Variants in GPHN observed in about 807,000 individuals in gnomAD.
The protein encoded by GPHN is gephyrin.
Under a neutral mutation model 95.5 loss-of-function variants are expected in GPHN, and 17 were observed. The observed-to-expected ratio is 0.18, with a 90% confidence interval of 0.12 to 0.27. The LOEUF (loss-of-function observed/expected upper bound fraction) is 0.27, where lower values mean the gene tolerates loss of function less well. Ranked by LOEUF, GPHN falls within the 10% of genes least tolerant of loss-of-function variation. The pLI is 1.00. For missense variants in GPHN, 660 were observed against 978.1 expected (o/e 0.67, Z 4.34); for synonymous variants, 320 against 322.5 (o/e 0.99, Z 0.08).
chr14:67,173,942 T>G (rs1170392711), intron 21 of GPHN, among the ~76,000 whole-genome samples: 1 of 152,086 alleles, frequency 6.6e-6, no homozygotes, highest in Non-Finnish European at 1.5e-5. Context: ...AATAACAGAC[T>G]TTGTCAGGCC....
At chr14:67,426,041 G>T in the GPHN span, among the ~76,000 whole-genome samples, 2 of 151,746 alleles carry the variant, frequency 1.3e-5, no homozygotes, top group African/African-American at 4.8e-5. Context: ...CACCATGCCT[G>T]GCCAATGAAA....
the GPHN span, chr14:67,691,375 T>G: frequency 1.6e-6 from 1 of 638,058 alleles, no homozygotes; most frequent in African/African-American, 1.8e-5. Context: ...TCCTTCATAT[T>G]TATTTTCTAT....
At chr14:67,354,346 CTT>C in the GPHN span, among the ~76,000 whole-genome samples, 1 of 152,114 alleles carries the variant, frequency 6.6e-6, no homozygotes, top group South Asian at 2.1e-4. Context: ...AAAATAATAT[CTT>C]TGTTTTAGTT....
the GPHN span, among the ~76,000 whole-genome samples, chr14:67,551,631 G>A: frequency 3.3e-5 from 5 of 152,086 alleles, no homozygotes; most frequent in African/African-American, 1.2e-4. Flanking sequence ...TTTCACGCCT[G>A]TAATCCCAGG....
At position 67,057,412 on chromosome 14, in the gene GPHN, G is replaced by GGC. The variant is rs1555477483; in HGVS notation, c.1007-1236_1007-1235insCG. Among the ~76,000 whole-genome samples the GGC allele has an allele frequency of 9.1e-5, 12 of 131,422 alleles. No homozygotes were observed. The East Asian group carries it at 1.7e-3, about 19-fold the overall frequency. 86.2% of individuals were successfully genotyped at this position (131,422 alleles called of 152,430 possible). A position where few individuals can be genotyped will look rare whatever the true frequency, so the allele number is the denominator to read the frequency against. ...AACAAGAACACATGGGCACATGGGT[G>GGC]GGGGGGGCAACAGCACACACTGGGT... On this transcript the variant is annotated intron_variant, in intron 10 of 22. Transcript: ENST00000478722.
the GPHN span, among the ~76,000 whole-genome samples, chr14:67,516,510 TAAGAA>T: frequency 6.6e-6 from 1 of 152,152 alleles, no homozygotes; most frequent in African/African-American, 2.4e-5. Flanking sequence ...CAGAATCTTC[TAAGAA>T]AAGGAACCTA....
intron 17 of GPHN, among the ~76,000 whole-genome samples, chr14:67,125,919 TTC>T (rs1228878855): frequency 1.3e-5 from 2 of 152,208 alleles, no homozygotes; most frequent in African/African-American, 2.4e-5. Context: ...TCAGCTCTTA[TTC>T]TTATCACCTG....
intron 19 of GPHN, among the ~76,000 whole-genome samples, chr14:67,159,896 G>A (rs963679534): frequency 1.3e-5 from 2 of 152,014 alleles, no homozygotes; most frequent in Non-Finnish European, 2.9e-5. Context: ...GGGCTGGTTT[G>A]TTTAAAAGCA....
At chr14:67,158,367 T>C (rs1037104341) in intron 18 of GPHN, among the ~76,000 whole-genome samples, 9 of 151,730 alleles carry the variant, frequency 5.9e-5, no homozygotes, top group Non-Finnish European at 1.2e-4. Context: ...TAAAGTATTA[T>C]ATAGTCACTT....
At chr14:67,027,094 T>A (rs1487396494) in intron 10 of GPHN, among the ~76,000 whole-genome samples, 1 of 152,206 alleles carries the variant, frequency 6.6e-6, no homozygotes, top group Non-Finnish European at 1.5e-5. Context: ...TAAACAAATA[T>A]CTGATTATCA....
intron 1 of GPHN, among the ~76,000 whole-genome samples, chr14:66,530,921 CTCAG>C (rs985135031): frequency 2.6e-5 from 4 of 151,640 alleles, no homozygotes; most frequent in Non-Finnish European, 5.9e-5. Flanking sequence ...TTGCCAGCAA[CTCAG>C]CCCACTGTTT....
chr14:66,552,568 G>T (rs934614344), intron 1 of GPHN, among the ~76,000 whole-genome samples: 3 of 151,798 alleles, frequency 2.0e-5, no homozygotes, highest in Non-Finnish European at 2.9e-5. Context: ...TTTGTCTTTG[G>T]TCTGAAGAAC....
the GPHN span, among the ~76,000 whole-genome samples, chr14:67,457,964 CCTT>C: frequency 6.6e-6 from 1 of 152,196 alleles, no homozygotes. Context: ...TGCCAAGTGT[CCTT>C]CTTAGCTGGT....
At chr14:66,702,888 G>A (rs1272407607) in intron 2 of GPHN, among the ~76,000 whole-genome samples, 1 of 152,112 alleles carries the variant, frequency 6.6e-6, no homozygotes, top group Non-Finnish European at 1.5e-5. Flanking sequence ...ACAAAGATAA[G>A]AACGTTGATA....
chr14:66,577,035 A>C (rs1341615368), intron 1 of GPHN, among the ~76,000 whole-genome samples: 1 of 152,146 alleles, frequency 6.6e-6, no homozygotes, highest in African/African-American at 2.4e-5. Context: ...AACTGAAAAA[A>C]ATAGTCTATA....
chr14:67,325,870 G>GT, the GPHN span, among the ~76,000 whole-genome samples: 4 of 150,806 alleles, frequency 2.7e-5, no homozygotes, highest in Admixed American at 1.3e-4. Context: ...ATGCAGTGGC[G>GT]TAATCTTGGC....
At chr14:66,812,746 A>C (rs2060812231) in intron 3 of GPHN, among the ~76,000 whole-genome samples, 2 of 152,224 alleles carry the variant, frequency 1.3e-5, no homozygotes, top group African/African-American at 4.8e-5. Flanking sequence ...CCAGCTCTAT[A>C]AAGCAGGTTG....
At chr14:67,198,211 C>T in the GPHN span, 9 of 1,613,766 alleles carry the variant, frequency 5.6e-6, no homozygotes, top group Non-Finnish European at 7.6e-6. Context: ...AAGCAAGATG[C>T]TCTCTGCACC....
At chr14:66,874,797 G>C (rs964250869) in intron 4 of GPHN, among the ~76,000 whole-genome samples, 3 of 152,198 alleles carry the variant, frequency 2.0e-5, no homozygotes, top group Non-Finnish European at 4.4e-5. Flanking sequence ...GTACTTGAAA[G>C]TGACAGGGAG....
Sources: allele counts gnomAD v4.1 joint callset (sites outside exome capture counted in the v4.1 genomes callset), GRCh38; gene constraint gnomAD v4.1.1; transcripts MANE v1.5; gene names NCBI Gene and HGNC (gene_info 2026-07-23, HGNC 2026-07-21).